TTC6: variants seen among roughly 807,000 people sequenced by gnomAD.
TTC6 encodes tetratricopeptide repeat protein 6.
In TTC6, 172 loss-of-function variants were observed where a neutral mutation model predicts 210.4. That is an observed-to-expected ratio of 0.82 (90% CI 0.72 to 0.93). The LOEUF (loss-of-function observed/expected upper bound fraction) is 0.93. Among genes scored for constraint, TTC6 ranks in the 40% least tolerant of loss-of-function variants. The pLI, the probability that TTC6 is intolerant of heterozygous loss-of-function variation, is 0.00. For synonymous variants in TTC6, 804 were observed against 819.6 expected, an observed-to-expected ratio of 0.98 and a Z score of 0.32; for missense variants, 2,414 against 2,318.1, an observed-to-expected ratio of 1.04 and a Z score of -0.85.
intron 1 of TTC6, among the ~76,000 whole-genome samples, chr14:37,655,723 A>G (rs1362713456): frequency 6.6e-6 from 1 of 152,216 alleles, no homozygotes. Context: ...AAGAAATACG[A>G]TGACATTCAG....
Position 37,812,043 on chromosome 14 carries a change from C to T in TTC6, c.4570-271C>T, listed in dbSNP as rs536699251. The stretch of plus-strand genomic sequence containing the variant: ...AATGCTAAGTCCCTCCCTTCCAGCC[C>T]GTACACCAGTGAAAATGTATAGGGT... On this transcript the variant is annotated intron_variant, in intron 24 of 30. Transcript: ENST00000553443. 3.3e-5 allele frequency among the ~76,000 whole-genome samples: 5 copies of T among 152,208 alleles called. No individual in the cohort carries two copies. In the South Asian group the frequency reaches 6.2e-4, roughly 19 times the overall value.
intron 3 of TTC6, among the ~76,000 whole-genome samples, chr14:37,685,099 G>C (rs1244033410): frequency 6.6e-6 from 1 of 152,132 alleles, no homozygotes; most frequent in Non-Finnish European, 1.5e-5. Context: ...AAATAATAGT[G>C]ATTCTGTGAA....
intron 1 of TTC6, among the ~76,000 whole-genome samples, chr14:37,677,211 T>C (rs797007839): frequency 3.3e-5 from 5 of 152,182 alleles, no homozygotes; most frequent in African/African-American, 1.2e-4. Flanking sequence ...GCCTTTCCTT[T>C]CATTTAGGAC....
At chr14:37,754,019 T>C (rs1253089103) in intron 14 of TTC6, among the ~76,000 whole-genome samples, 3 of 152,272 alleles carry the variant, frequency 2.0e-5, no homozygotes, top group East Asian at 1.9e-4. Flanking sequence ...AAAATATGTA[T>C]ATAATCACGT....
At chr14:37,603,990 C>T (rs905738007) in intron 1 of TTC6, among the ~76,000 whole-genome samples, 1 of 152,154 alleles carries the variant, frequency 6.6e-6, no homozygotes, top group African/African-American at 2.4e-5. Context: ...TAAGTGGCAA[C>T]AAAAAGATCC....
intron 29 of TTC6, among the ~76,000 whole-genome samples, chr14:37,836,218 A>T (rs977662847): frequency 6.6e-6 from 1 of 152,118 alleles, no homozygotes; most frequent in African/African-American, 2.4e-5. Context: ...TCTTTCTTAC[A>T]TCCTTAAGCT....
rs768297951 is a variant in TTC6 at position 37,808,200 on chromosome 14, A to T, written c.4456-533A>T. 2.6e-5 allele frequency among the ~76,000 whole-genome samples: 4 copies of T among 152,140 alleles called. No individual in the cohort carries two copies. In the South Asian group the frequency reaches 6.2e-4, roughly 24 times the overall value. ...CTATTTTATATGAAATATTTTGCAAATAATACCTTAAAGCAAAGGTAAGAC... is the reference window on the plus strand; with the variant it reads ...CTATTTTATATGAAATATTTTGCAATTAATACCTTAAAGCAAAGGTAAGAC... On this transcript the variant is annotated intron_variant, in intron 23 of 30. Transcript: ENST00000553443.
At chr14:37,699,407 A>G (rs949932295) in intron 4 of TTC6, among the ~76,000 whole-genome samples, 1 of 152,238 alleles carries the variant, frequency 6.6e-6, no homozygotes, top group South Asian at 2.1e-4. Flanking sequence ...AGAATTGTAA[A>G]CAGTGTTTGA....
chr14:37,807,392 G>T, exon 23 of TTC6: 1 of 1,530,370 alleles, frequency 6.5e-7, no homozygotes, highest in Non-Finnish European at 8.7e-7. Flanking sequence ...TTGTAACAAG[G>T]CTATTAAAAT....
At chr14:37,839,444 CTTT>C (rs2096205180) in intron 29 of TTC6, among the ~76,000 whole-genome samples, 1 of 152,142 alleles carries the variant, frequency 6.6e-6, no homozygotes, top group Non-Finnish European at 1.5e-5. Flanking sequence ...TAAATGTCTT[CTTT>C]TGAGAAGTGT....
chr14:37,837,869 G>A lies in TTC6; in HGVS notation c.5299-3576G>A, dbSNP rs143196604. Among the ~76,000 whole-genome samples, 31 of 152,180 alleles carry A rather than the reference G, an allele frequency of 2.0e-4. No individual in the cohort carries two copies. The East Asian group carries it at 5.0e-3, about 25-fold the overall frequency. On this transcript the variant is annotated intron_variant, in intron 29 of 30. Coordinates refer to ENST00000553443, the Ensembl canonical transcript of TTC6. Reference sequence around the variant, plus strand: ...GGAAGTGAATAGAGGACAGATCTTCGGGAAACATAGAGGAAAATAGTTCAG... The same window carrying A: ...GGAAGTGAATAGAGGACAGATCTTCAGGAAACATAGAGGAAAATAGTTCAG...
In TTC6 at chr14:37,791,755, A is replaced by G. The variant is rs147590386; in HGVS notation, c.3558-509A>G. On this transcript the variant is annotated intron_variant, in intron 16 of 30. Transcript: ENST00000553443. ...AGAGGCATCAAACATGATAATTTCT[A>G]AGGTTATTTCTCTACTGAAAATCAG... is the stretch of plus-strand genomic sequence containing the variant. 2.6e-3 allele frequency among the ~76,000 whole-genome samples: 389 copies of G among 152,316 alleles called. 1 individual carries two copies. The highest frequency in any genetic ancestry group is 3.9e-3 in the Non-Finnish European group (267 of 68,020).
upstream of TTC6, chr14:37,621,984 T>G (rs2095651811): frequency 9.6e-7 from 1 of 1,043,892 alleles, no homozygotes; most frequent in Admixed American, 3.1e-5. Context: ...TTTATTCCAG[T>G]TTTGTTTTAT....
At chr14:37,676,850 T>C (rs1165907702) in intron 1 of TTC6, among the ~76,000 whole-genome samples, 1 of 152,120 alleles carries the variant, frequency 6.6e-6, no homozygotes, top group African/African-American at 2.4e-5. Flanking sequence ...TTGGCACCTT[T>C]GTCGAAAGTC....
At chr14:37,683,273 A>G (rs563072047) in intron 3 of TTC6, among the ~76,000 whole-genome samples, 10 of 152,312 alleles carry the variant, frequency 6.6e-5, no homozygotes, top group African/African-American at 1.9e-4. Context: ...CGAGGAAGTC[A>G]GGAATTGTAG....
chr14:37,689,504 G>A (rs994054604), intron 3 of TTC6, among the ~76,000 whole-genome samples: 1 of 151,928 alleles, frequency 6.6e-6, no homozygotes, highest in Non-Finnish European at 1.5e-5. Context: ...CCCAAAGACG[G>A]CTACTTCAAG....
chr14:37,707,418 T>C (rs907642822), intron 5 of TTC6, among the ~76,000 whole-genome samples: 1 of 152,040 alleles, frequency 6.6e-6, no homozygotes, highest in Admixed American at 6.6e-5. Context: ...CTATCTTTCC[T>C]CTATATTTAT....
chr14:37,842,184 G>A, exon 31 of TTC6: 1 of 1,606,364 alleles, frequency 6.2e-7, no homozygotes, highest in Non-Finnish European at 8.5e-7. Flanking sequence ...TGATGCTCTA[G>A]TATATAATTT....
chr14:37,622,620 G>A, exon 1 of TTC6: 2 of 1,535,024 alleles, frequency 1.3e-6, no homozygotes, highest in African/African-American at 1.4e-5. Flanking sequence ...AAGGGAGCGC[G>A]AACAGAGCCA....
Sources: gnomAD v4.1 joint callset for allele counts (sites outside exome capture counted in the v4.1 genomes callset) on GRCh38, gnomAD v4.1.1 for gene constraint, MANE v1.5 for transcripts, NCBI Gene and HGNC (gene_info 2026-07-23, HGNC 2026-07-21) for gene names.